AKAP6: variants seen among roughly 807,000 people sequenced by gnomAD.
AKAP6 encodes the protein A-kinase anchoring protein 6.
Under a neutral mutation model 188.5 loss-of-function variants are expected in AKAP6, and 58 were observed. That is an observed-to-expected ratio of 0.31 (90% confidence interval 0.25 to 0.38). The LOEUF is 0.38. Ranked by LOEUF, AKAP6 falls within the 10% of genes least tolerant of loss-of-function variation. The pLI, the probability that AKAP6 is intolerant of heterozygous loss-of-function variation, is 1.00. For synonymous variants in AKAP6, 989 were observed against 998.6 expected, an observed-to-expected ratio of 0.99 and a Z score of 0.18; for missense variants, 2,710 against 2,740.0, an observed-to-expected ratio of 0.99 and a Z score of 0.24.
At chr14:32,420,511 G>C (rs139844678) in intron 1 of AKAP6, among the ~76,000 whole-genome samples, 124 of 152,234 alleles carry the variant, frequency 8.1e-4, no homozygotes, top group Admixed American at 1.5e-3. Flanking sequence ...AGAGGAATAT[G>C]ATTTTTGTTC....
At chr14:32,556,964 G>C (rs1883715652) in intron 4 of AKAP6, among the ~76,000 whole-genome samples, 1 of 151,466 alleles carries the variant, frequency 6.6e-6, no homozygotes, top group East Asian at 1.9e-4. Flanking sequence ...CATATTTTAA[G>C]GGTCTCACTC....
intron 2 of AKAP6, among the ~76,000 whole-genome samples, chr14:32,500,748 C>T (rs1210211675): frequency 6.6e-6 from 1 of 152,136 alleles, no homozygotes; most frequent in East Asian, 1.9e-4. Flanking sequence ...CCAACCTTTT[C>T]TCTTTTTCTT....
chr14:32,602,068 G>T (rs759039231), intron 7 of AKAP6, among the ~76,000 whole-genome samples: 2 of 152,200 alleles, frequency 1.3e-5, no homozygotes, highest in Admixed American at 6.5e-5. Flanking sequence ...GTGATGTGAT[G>T]AAAGGATCAA....
At chr14:32,537,287 A>G (rs1270370278) in intron 3 of AKAP6, among the ~76,000 whole-genome samples, 1 of 152,196 alleles carries the variant, frequency 6.6e-6, no homozygotes, top group Non-Finnish European at 1.5e-5. Context: ...CTGTGGCAGG[A>G]CTTCAGTAGA....
intron 1 of AKAP6, among the ~76,000 whole-genome samples, chr14:32,364,120 C>A (rs1887750368): frequency 6.6e-6 from 1 of 152,034 alleles, no homozygotes; most frequent in African/African-American, 2.4e-5. Context: ...CTGCTTTACA[C>A]TGGGGAGAGG....
intron 1 of AKAP6, among the ~76,000 whole-genome samples, chr14:32,373,931 A>G (rs988059033): frequency 6.6e-6 from 1 of 152,228 alleles, no homozygotes; most frequent in Non-Finnish European, 1.5e-5. Flanking sequence ...TTTGAAATGT[A>G]TGTAACCCAT....
chr14:32,479,907 C>G (rs1475826032), intron 2 of AKAP6, among the ~76,000 whole-genome samples: 2 of 152,128 alleles, frequency 1.3e-5, no homozygotes, highest in Non-Finnish European at 2.9e-5. Flanking sequence ...TATAATCTAC[C>G]CAGTTTATGG....
At chr14:32,754,065 C>A (rs2032241493) in intron 11 of AKAP6, among the ~76,000 whole-genome samples, 1 of 151,900 alleles carries the variant, frequency 6.6e-6, no homozygotes, top group Non-Finnish European at 1.5e-5. Context: ...TAGAAAAAGT[C>A]ATTGGAATTT....
At chr14:32,798,060 C>A (rs1039479044) in intron 12 of AKAP6, among the ~76,000 whole-genome samples, 1 of 151,814 alleles carries the variant, frequency 6.6e-6, no homozygotes, top group Non-Finnish European at 1.5e-5. Flanking sequence ...TAACAAACAA[C>A]CCCCTTTTAA....
intron 11 of AKAP6, among the ~76,000 whole-genome samples, chr14:32,754,694 C>T (rs2032266207): frequency 6.6e-6 from 1 of 152,134 alleles, no homozygotes; most frequent in Non-Finnish European, 1.5e-5. Context: ...TGGTGATGAA[C>T]TTCCACAACT....
At chr14:32,705,700 A>T (rs992429785) in intron 9 of AKAP6, among the ~76,000 whole-genome samples, 9 of 152,140 alleles carry the variant, frequency 5.9e-5, no homozygotes, top group African/African-American at 2.2e-4. Flanking sequence ...AGGCTAGGGT[A>T]TGCCAAGATA....
At chr14:32,534,855 C>T (rs995490017) in intron 2 of AKAP6, among the ~76,000 whole-genome samples, 16 of 151,662 alleles carry the variant, frequency 1.1e-4, no homozygotes, top group African/African-American at 3.6e-4. Context: ...ATCTCAGCTA[C>T]TTGGGAAGCT....
chr14:32,535,757 C>T lies in AKAP6; in HGVS notation c.528C>T (p.Tyr176=), dbSNP rs371449348. 15 of 1,614,026 alleles carry T rather than the reference C, an allele frequency of 9.3e-6. No individual in the cohort carries two copies. In the African/African-American group the frequency reaches 1.3e-4, roughly 14 times the overall value. ...GTCTGCAGGACGCCAATGGCAACTA[C>T]ACTAGGCAGACGGACATTCTGCAAG... ...LQGLQDANGN[Y]TRQTDILQAF... The change falls in exon 3 of 14, where the codon TAC becomes TAT. Residue 176 remains tyrosine (Y), a synonymous_variant. Coordinates refer to ENST00000280979, the MANE Select transcript of AKAP6 (RefSeq NM_004274.5).
chr14:32,764,794 C>G (rs2139959406), intron 11 of AKAP6, among the ~76,000 whole-genome samples: 1 of 152,102 alleles, frequency 6.6e-6, no homozygotes, highest in African/African-American at 2.4e-5. Flanking sequence ...AAATGTGTGG[C>G]ACACATAAAT....
chr14:32,498,606 T>C (rs1880446488), intron 2 of AKAP6, among the ~76,000 whole-genome samples: 2 of 152,136 alleles, frequency 1.3e-5, no homozygotes, highest in South Asian at 2.1e-4. Context: ...GTTTGTTTGC[T>C]TTTTTTAATT....
intron 2 of AKAP6, among the ~76,000 whole-genome samples, chr14:32,510,394 G>GTATA (rs61206931): frequency 5.2e-4 from 33 of 63,292 alleles, no homozygotes; most frequent in African/African-American, 1.7e-3. Context: ...ATATATATGT[G>GTATA]TATATATATG....
chr14:32,705,244 G>A (rs116499659), intron 9 of AKAP6, among the ~76,000 whole-genome samples: 1 of 152,144 alleles, frequency 6.6e-6, no homozygotes, highest in East Asian at 1.9e-4. Flanking sequence ...GGGTAAAGAA[G>A]AATGCACTCT....
chr14:32,722,561 A>G (rs2030603713), intron 9 of AKAP6, among the ~76,000 whole-genome samples: 2 of 152,032 alleles, frequency 1.3e-5, no homozygotes, highest in African/African-American at 4.8e-5. Context: ...CCTACCCTGT[A>G]CCCGTAAAAA....
intron 2 of AKAP6, among the ~76,000 whole-genome samples, chr14:32,534,323 G>A (rs1196435212): frequency 1.3e-5 from 2 of 152,018 alleles, no homozygotes; most frequent in African/African-American, 2.4e-5. Context: ...AACTAAAAAC[G>A]AGCAACTGAG....
Sources: gnomAD v4.1 joint callset for allele counts (sites outside exome capture counted in the v4.1 genomes callset) on GRCh38, gnomAD v4.1.1 for gene constraint, MANE v1.5 for transcripts, NCBI Gene and HGNC (gene_info 2026-07-23, HGNC 2026-07-21) for gene names.